FEZ2: variants seen among roughly 807,000 people sequenced by gnomAD.
FEZ2 encodes the protein fasciculation and elongation protein zeta 2.
A neutral mutation model predicts 40.4 loss-of-function variants in FEZ2; 51 were observed. That is an observed-to-expected ratio of 1.26 (90% CI 1.01 to 1.59). The LOEUF is 1.59. Ranked by LOEUF, FEZ2 falls within the 40% of genes most tolerant of loss-of-function variation. The pLI is 0.00. For synonymous variants in FEZ2, 242 were observed against 172.0 expected (o/e 1.41, Z -3.18); for missense variants, 640 against 438.3 (o/e 1.46, Z -4.11).
chr2:36,580,322 G>C (rs984470483), intron 4 of FEZ2, among the ~76,000 whole-genome samples: 1 of 152,190 alleles, frequency 6.6e-6, no homozygotes, highest in Non-Finnish European at 1.5e-5. Context: ...GTATGTTGAA[G>C]CCATACAACC....
intron 5 of FEZ2, among the ~76,000 whole-genome samples, chr2:36,573,733 A>G (rs575616451): frequency 6.6e-6 from 1 of 152,352 alleles, no homozygotes; most frequent in African/African-American, 2.4e-5. Flanking sequence ...AATAAATATG[A>G]AAACACCTCA....
intron 5 of FEZ2, among the ~76,000 whole-genome samples, chr2:36,571,272 C>T (rs848629): frequency 0.42 from 63,308 of 152,046 alleles, 13,371 homozygotes; most frequent in Middle Eastern, 0.54. Context: ...AATAGTAATT[C>T]TTAGTAAATG....
intron 1 of FEZ2, 91 bp from the exon 2 acceptor site, chr2:36,591,102 C>A: frequency 2.6e-6 from 2 of 783,374 alleles, no homozygotes; most frequent in Admixed American, 2.3e-5. Flanking sequence ...CAGCAAATGT[C>A]AAAGGAAACA....
rs1477115360 is a variant in FEZ2, at chr2:36,598,053, G to A, written c.90C>T (p.Pro30=). 1.0e-5 allele frequency: 15 copies of A among 1,447,038 alleles called. No individual in the cohort carries two copies. The African/African-American group carries it at 2.6e-4, about 25-fold the overall frequency. The allele number at this position is 1,447,038 out of a possible 1,614,324, so 89.6% of individuals were successfully genotyped here. A position where few individuals can be genotyped will look rare whatever the true frequency, so the allele number is the denominator to read the frequency against. ...CGGCCCCCGCCTCCGCCCCAGGCTC[G>A]GGGCTCGCGTTACAGTTCTCCTGGT... is the stretch of plus-strand genomic sequence containing the variant. ...LLDQENCNAS[P]EPGAEAGAEA... is the part of the protein sequence containing the mutation. Residue 30 remains proline (P), a synonymous_variant, in exon 1 of 8, where the codon CCC becomes CCT. Transcript: ENST00000405912.
intron 1 of FEZ2, among the ~76,000 whole-genome samples, chr2:36,592,035 A>G (rs966579273): frequency 3.9e-5 from 6 of 152,242 alleles, no homozygotes; most frequent in African/African-American, 1.4e-4. Context: ...ATGATGTTTT[A>G]TGAAAAACTA....
intron 3 of FEZ2, among the ~76,000 whole-genome samples, chr2:36,581,812 T>A (rs895611710): frequency 6.6e-6 from 1 of 152,226 alleles, no homozygotes; most frequent in East Asian, 1.9e-4. Context: ...AAATTTACCA[T>A]AGACATACAA....
chr2:36,590,728 G>A (rs1407051271), intron 2 of FEZ2, 175 bp downstream of exon 2: 4 of 538,352 alleles, frequency 7.4e-6, no homozygotes, highest in Non-Finnish European at 1.3e-5. Context: ...CTGGAGGAAT[G>A]TGCCAGCAAG....
chr2:36,583,221 A>G (rs769972469), intron 3 of FEZ2, 132 bp downstream of exon 3: 42 of 599,880 alleles, frequency 7.0e-5, no homozygotes, highest in Non-Finnish European at 1.2e-4. Context: ...AGAGTTAACT[A>G]TTAAGCCTGT....
chr2:36,597,137 T>A (rs1276088322), intron 1 of FEZ2, among the ~76,000 whole-genome samples: 1 of 152,156 alleles, frequency 6.6e-6, no homozygotes, highest in Non-Finnish European at 1.5e-5. Context: ...CGGCTCGCAC[T>A]CTACCAGGGC....
Position 36,578,624 on chromosome 2 carries a change from C to T in FEZ2, c.876G>A (p.Lys292=), listed in dbSNP as rs552300447. ...KLKNGSSQNG[K]NERSHMPGTY... ...TGCCGGGCATATGACTTCTCTCATT[C>T]TTCCCATTCTGAGAGCTGCCATTTT... Residue 292 remains lysine, a synonymous_variant, in exon 5 of 8, where the codon AAG becomes AAA. Coordinates refer to ENST00000405912, the MANE Select transcript of FEZ2 (RefSeq NM_005102.3). The T allele has an allele frequency of 4.3e-6, 7 of 1,613,090 alleles. No individual in the cohort carries two copies. The highest frequency in any genetic ancestry group is 1.6e-4 in the Middle Eastern group (1 of 6,062).
intron 1 of FEZ2, among the ~76,000 whole-genome samples, chr2:36,596,722 C>A (rs1426151776): frequency 3.3e-5 from 5 of 152,186 alleles, no homozygotes; most frequent in Admixed American, 6.5e-5. Flanking sequence ...CCCACCACAG[C>A]CTCTCAAAGT....
chr2:36,566,331 C>G (rs1053658659), intron 5 of FEZ2, among the ~76,000 whole-genome samples: 1 of 129,372 alleles, frequency 7.7e-6, no homozygotes, highest in Non-Finnish European at 1.6e-5. Context: ...CAGAGCGAGA[C>G]TCCGTCTCAA....
At chr2:36,572,772 C>G (rs926236564) in intron 5 of FEZ2, among the ~76,000 whole-genome samples, 3 of 152,080 alleles carry the variant, frequency 2.0e-5, no homozygotes, top group African/African-American at 7.2e-5. Flanking sequence ...GGGAAAAAGC[C>G]AGGTCCATGT....
At chr2:36,553,891 C>T (rs1033987109) in intron 7 of FEZ2, among the ~76,000 whole-genome samples, 1 of 152,148 alleles carries the variant, frequency 6.6e-6, no homozygotes, top group African/African-American at 2.4e-5. Flanking sequence ...TATTGGTCCC[C>T]AAGGAAGAGG....
At chr2:36,567,151 T>G (rs1195679453) in intron 5 of FEZ2, among the ~76,000 whole-genome samples, 2 of 152,114 alleles carry the variant, frequency 1.3e-5, no homozygotes, top group Non-Finnish European at 2.9e-5. Flanking sequence ...GCAGTCATTT[T>G]TAAACGTCTC....
Position 36,555,738 on chromosome 2 carries a change from G to A in FEZ2, c.990C>T (p.Ala330=), listed in dbSNP as rs745525778. Residue 330 remains alanine, a synonymous_variant, in exon 7 of 8, where the codon GCC becomes GCT. Coordinates refer to ENST00000405912, the MANE Select transcript of FEZ2 (RefSeq NM_005102.3). ...GAACTTTTTCACTGTCCTCCTTCATGGCACGAAGAACTGCAAAATAGAAGA... is the reference window on the plus strand; with the variant it reads ...GAACTTTTTCACTGTCCTCCTTCATAGCACGAAGAACTGCAAAATAGAAGA... ...DLQILTKILR[A]MKEDSEKVPS... 14 of 1,580,760 alleles carry A rather than the reference G, an allele frequency of 8.9e-6. No individual in the cohort carries two copies. The highest frequency in any genetic ancestry group is 7.0e-5 in the South Asian group (6 of 86,126).
At chr2:36,590,819 T>A in intron 2 of FEZ2, 84 bp downstream of exon 2, 2 of 821,218 alleles carry the variant, frequency 2.4e-6, no homozygotes, top group East Asian at 5.1e-5. Flanking sequence ...GGTCAGTGAA[T>A]CTGTGTTAAG....
chr2:36,595,857 C>T (rs1401316246), intron 1 of FEZ2, among the ~76,000 whole-genome samples: 1 of 152,122 alleles, frequency 6.6e-6, no homozygotes, highest in Non-Finnish European at 1.5e-5. Context: ...TTAACAAGAG[C>T]GACAAAATAT....
chr2:36,584,369 G>C (rs922953406), intron 2 of FEZ2, among the ~76,000 whole-genome samples: 2 of 152,174 alleles, frequency 1.3e-5, no homozygotes, highest in African/African-American at 4.8e-5. Flanking sequence ...AGCCCTGGGG[G>C]ATTGCACCAC....
Sources: allele counts gnomAD v4.1 joint callset (sites outside exome capture counted in the v4.1 genomes callset), GRCh38; gene constraint gnomAD v4.1.1; transcripts MANE v1.5; gene names NCBI Gene and HGNC (gene_info 2026-07-23, HGNC 2026-07-21).